Variants in FAM216A observed in about 807,000 individuals in gnomAD.
The protein encoded by FAM216A is family with sequence similarity 216 member A, also known as protein FAM216A.
Under a neutral mutation model 37.6 loss-of-function variants are expected in FAM216A, and 26 were observed. That is an observed-to-expected ratio of 0.69 (90% CI 0.51 to 0.96). The LOEUF (loss-of-function observed/expected upper bound fraction) is 0.96. Among genes scored for constraint, FAM216A ranks in the 40% least tolerant of loss-of-function variants. FAM216A has a pLI of 0.00. For missense variants in FAM216A, 326 were observed against 339.3 expected, an observed-to-expected ratio of 0.96 and a Z score of 0.31; for synonymous variants, 110 against 121.7, an observed-to-expected ratio of 0.90 and a Z score of 0.64.
upstream of FAM216A, chr12:110,468,445 G>C: frequency 1.3e-6 from 2 of 1,535,338 alleles, no homozygotes; most frequent in Non-Finnish European, 1.7e-6. Flanking sequence ...GAAATCGGCC[G>C]TTGGGATGCT....
At position 110,486,383 on chromosome 12, in the gene FAM216A, A is replaced by G. The variant is rs773094428; in HGVS notation, c.365A>G (p.Asn122Ser). The change falls in exon 4 of 7, where the codon AAT (asparagine) becomes AGT (serine). Residue 122 changes from asparagine (N) to serine (S), a missense_variant. Transcript: ENST00000377673. ...RYLCSIAKIY[N>S]ANYLKMLMKR... Reference sequence around the variant, plus strand: ...CTGTGCAGCATTGCTAAAATCTATAATGCAAACTATCTGAAGATGTTAATG... The same window carrying G: ...CTGTGCAGCATTGCTAAAATCTATAGTGCAAACTATCTGAAGATGTTAATG... 6.2e-6 allele frequency: 10 copies of G among 1,614,092 alleles called. No homozygotes were observed. In the South Asian group the frequency reaches 9.9e-5, roughly 16 times the overall value.
intron 5 of FAM216A, chr12:110,487,251 C>T (rs2062782655): frequency 6.5e-6 from 1 of 153,392 alleles, no homozygotes; most frequent in East Asian, 1.9e-4. Context: ...TCTCCTGCCT[C>T]AGCCTTCCTG....
In FAM216A at chr12:110,481,650, C is replaced by T. The variant is rs117558782; in HGVS notation, c.185-3428C>T. Among the ~76,000 whole-genome samples, 1,058 of 152,110 alleles carry T rather than the reference C, an allele frequency of 7.0e-3. 7 individuals are homozygous for T. Among genetic ancestry groups the T allele is most frequent in the Non-Finnish European group, 0.012 (790 of 68,002 alleles). ...GGTACTGGGGTTATACAGGCATGAG[C>T]CACCATGCCCAGCCTATTTATTTTT... On this transcript the variant is annotated intron_variant, in intron 2 of 6. Transcript: ENST00000377673.
At position 110,490,232 on chromosome 12, in the gene FAM216A, A is replaced by C. The variant is rs1205779645; in HGVS notation, c.*95A>C. On this transcript the variant is annotated 3_prime_UTR_variant, in exon 7 of 7. Coordinates refer to ENST00000377673, the MANE Select transcript of FAM216A (RefSeq NM_013300.3). ...TTTAGGATGGTATTGTTATTTATTA[A>C]ATCATTAAGTAATTTTGGTTTGTTC... The C allele has an allele frequency of 4.0e-6, 3 of 745,976 alleles. No individual in the cohort carries two copies. Among genetic ancestry groups the C allele is most frequent in the Non-Finnish European group, 7.2e-6 (3 of 417,556 alleles). The allele number at this position is 745,976 out of a possible 1,614,324, so 46.2% of individuals were successfully genotyped here. A position where few individuals can be genotyped will look rare whatever the true frequency, so the allele number is the denominator to read the frequency against.
At chr12:110,468,649 C>A, upstream of FAM216A, 1 of 1,537,168 alleles carries the variant, frequency 6.5e-7, no homozygotes, top group South Asian at 1.2e-5. Flanking sequence ...ATATTTCCCT[C>A]CTGTGACGCA....
rs1373091920 is a variant in FAM216A, at chr12:110,487,851, T to C, written c.621-10T>C. 3 of 1,543,054 alleles carry C rather than the reference T, an allele frequency of 1.9e-6. No homozygotes were observed. On this transcript the variant is annotated splice_polypyrimidine_tract_variant and intron_variant, in intron 5 of 6. Coordinates refer to ENST00000377673, the MANE Select transcript of FAM216A (RefSeq NM_013300.3). ...GCTGGCTCCAACTAAGATACTTCCC[T>C]TTCTTATAGGATAAAAACTGGATAT...
chr12:110,483,096 C>T lies in FAM216A; in HGVS notation c.185-1982C>T, dbSNP rs530830374. On this transcript the variant is annotated intron_variant, in intron 2 of 6. Coordinates refer to ENST00000377673, the MANE Select transcript of FAM216A (RefSeq NM_013300.3). Reference sequence around the variant, plus strand: ...ACCCCAGCACTTTGGGAGGCCAAGGCGGGCAGATCACGAGGTCAGGAGATC... The same window carrying T: ...ACCCCAGCACTTTGGGAGGCCAAGGTGGGCAGATCACGAGGTCAGGAGATC... Among the ~76,000 whole-genome samples, 48 of 152,022 alleles carry T rather than the reference C, an allele frequency of 3.2e-4. 1 individual carries two copies. In the South Asian group the frequency reaches 9.4e-3, roughly 30 times the overall value.
rs2062804539 is a variant in FAM216A, at chr12:110,490,234, T to A, written c.*97T>A. On this transcript the variant is annotated 3_prime_UTR_variant, in exon 7 of 7. Transcript: ENST00000377673. ...TAGGATGGTATTGTTATTTATTAAA[T>A]CATTAAGTAATTTTGGTTTGTTCAG... 1 of 744,632 alleles carries A rather than the reference T, an allele frequency of 1.3e-6. No homozygotes were observed. The allele number at this position is 744,632 out of a possible 1,614,324, so 46.1% of individuals were successfully genotyped here.
At chr12:110,472,586 G>A (rs543797547) in intron 1 of FAM216A, among the ~76,000 whole-genome samples, 30 of 151,978 alleles carry the variant, frequency 2.0e-4, no homozygotes, top group Non-Finnish European at 3.7e-4. Flanking sequence ...AAATCTTGGA[G>A]CCATTAGGAT....
At chr12:110,476,767 T>G (rs188457473) in intron 2 of FAM216A, among the ~76,000 whole-genome samples, 10 of 151,752 alleles carry the variant, frequency 6.6e-5, no homozygotes, top group African/African-American at 1.7e-4. Flanking sequence ...ACCTAAAGGA[T>G]TTGCCCACCT....
chr12:110,488,357 G>A (rs910389970), intron 6 of FAM216A, among the ~76,000 whole-genome samples: 2 of 149,706 alleles, frequency 1.3e-5, no homozygotes, highest in South Asian at 2.1e-4. Flanking sequence ...GTTGGAGTGA[G>A]CTGAGATTGC....
At chr12:110,479,760 C>T (rs1055040770) in intron 2 of FAM216A, among the ~76,000 whole-genome samples, 1 of 151,636 alleles carries the variant, frequency 6.6e-6, no homozygotes, top group Non-Finnish European at 1.5e-5. Flanking sequence ...ATCACTTGAA[C>T]CAGGGAGTTG....
intron 6 of FAM216A, among the ~76,000 whole-genome samples, chr12:110,489,697 A>G (rs1007562392): frequency 3.3e-5 from 5 of 152,148 alleles, no homozygotes; most frequent in Admixed American, 3.3e-4. Flanking sequence ...AGAAGAGATG[A>G]GAAGGAACTA....
chr12:110,474,716 AAAAT>A (rs2062705748), intron 2 of FAM216A, among the ~76,000 whole-genome samples: 1 of 149,688 alleles, frequency 6.7e-6, no homozygotes, highest in Non-Finnish European at 1.5e-5. Context: ...AAAAAAAAAA[AAAAT>A]GCTGGGCGCC....
intron 2 of FAM216A, among the ~76,000 whole-genome samples, chr12:110,479,430 G>A (rs890908455): frequency 2.0e-5 from 3 of 151,476 alleles, no homozygotes; most frequent in South Asian, 4.2e-4. Context: ...TAGGTAACTC[G>A]TCTCCAAAAG....
At chr12:110,483,249 G>A (rs570857602) in intron 2 of FAM216A, among the ~76,000 whole-genome samples, 3 of 150,190 alleles carry the variant, frequency 2.0e-5, no homozygotes, top group South Asian at 2.1e-4. Context: ...GCGTGAACCC[G>A]GGAGGTGGAG....
At position 110,486,454 on chromosome 12, in the gene FAM216A, G is replaced by A. The variant is rs572715512; in HGVS notation, c.436G>A (p.Gly146Ser). 1 of 1,610,620 alleles carries A rather than the reference G, an allele frequency of 6.2e-7. No homozygotes were observed. The highest frequency in any genetic ancestry group is 1.7e-5 in the Admixed American group (1 of 59,648). ...HVLQHSSQKP[G>S]VLTHHRSRLS... ...ACTTCAGCACAGCTCACAAAAGCCA[G>A]GCAGGTGCACCTCCAGTTGTCTTTT... is the stretch of plus-strand genomic sequence containing the variant. Residue 146 changes from glycine (G) to serine (S), a missense_variant and splice_region_variant, in exon 4 of 7, where the codon GGT becomes AGT. Gly to Ser is a moderately conservative substitution (Grantham distance 56, BLOSUM62 0). Coordinates refer to ENST00000377673, the MANE Select transcript of FAM216A (RefSeq NM_013300.3).
At chr12:110,481,266 C>A (rs2062745118) in intron 2 of FAM216A, among the ~76,000 whole-genome samples, 1 of 152,140 alleles carries the variant, frequency 6.6e-6, no homozygotes, top group Non-Finnish European at 1.5e-5. Flanking sequence ...GCTTTCAGTT[C>A]TTTTGGAATT....
upstream of FAM216A, chr12:110,468,684 G>A (rs2062656497): frequency 2.0e-6 from 3 of 1,530,342 alleles, no homozygotes; most frequent in South Asian, 2.4e-5. Flanking sequence ...AGGTGCAAAC[G>A]TGCAAACGCT....
Sources: gnomAD v4.1 joint callset for allele counts (sites outside exome capture counted in the v4.1 genomes callset) on GRCh38, gnomAD v4.1.1 for gene constraint, MANE v1.5 for transcripts, NCBI Gene and HGNC (gene_info 2026-07-23, HGNC 2026-07-21) for gene names.